Variants in HERC3 observed in about 807,000 individuals in gnomAD.
HERC3 encodes the protein probable E3 ubiquitin-protein ligase HERC3.
A neutral mutation model predicts 129.9 loss-of-function variants in HERC3; 58 were observed. The ratio of observed to expected loss-of-function variants is 0.45; its 90% CI spans 0.36 to 0.56. The LOEUF (loss-of-function observed/expected upper bound fraction) is 0.56. Ranked by LOEUF, HERC3 falls within the 20% of genes least tolerant of loss-of-function variation. The pLI, the probability that HERC3 is intolerant of heterozygous loss-of-function variation, is 0.00. For synonymous variants in HERC3, 430 were observed against 451.0 expected, an observed-to-expected ratio of 0.95 and a Z score of 0.59; for missense variants, 835 against 1,244.2, an observed-to-expected ratio of 0.67 and a Z score of 4.95.
Position 88,706,741 on chromosome 4 carries a change from G to C in HERC3, c.2945-11G>C. 1 of 1,612,904 alleles carries C rather than the reference G, an allele frequency of 6.2e-7. No individual in the cohort carries two copies. Among genetic ancestry groups the C allele is most frequent in the Non-Finnish European group, 8.5e-7 (1 of 1,179,096 alleles). ...TGCTTAGCTGCTAATGCCATTTCTC[G>C]TTCTCCCCAGTGTTCCTGACAGGCA... On this transcript the variant is annotated splice_polypyrimidine_tract_variant and intron_variant, in intron 25 of 25. Transcript: ENST00000402738.
chr4:88,617,884 G>GA (rs35899455), intron 3 of HERC3, among the ~76,000 whole-genome samples: 26,965 of 148,210 alleles, frequency 0.18, 2,484 homozygotes, highest in Admixed American at 0.23. Flanking sequence ...GAAAAAAAAA[G>GA]AAAAAAAAAA....
In HERC3 at chr4:88,668,009, T is replaced by G; in HGVS notation, c.1561T>G (p.Tyr521Asp). The G allele has an allele frequency of 6.2e-7, 1 of 1,613,626 alleles. No homozygotes were observed. The highest frequency in any genetic ancestry group is 8.5e-7 in the Non-Finnish European group (1 of 1,179,558). ...GTTTCCCCTACTCCAGGATTCCAAG[T>G]ATTATATAACATTGACTATTCCCTT... ...PEFPLLQDSK[Y>D]YITLTIPLAM... The change falls in exon 14 of 26, where the codon TAT becomes GAT. Residue 521 changes from tyrosine to aspartate, a missense_variant. Transcript: ENST00000402738.
chr4:88,535,990 T>G, the HERC3 span, among the ~76,000 whole-genome samples: 1 of 152,360 alleles, frequency 6.6e-6, no homozygotes, highest in Admixed American at 6.5e-5. Context: ...AATCATCTCA[T>G]GGGGCTAGGA....
the HERC3 span, among the ~76,000 whole-genome samples, chr4:88,576,369 A>G: frequency 6.6e-6 from 1 of 152,110 alleles, no homozygotes; most frequent in Non-Finnish European, 1.5e-5. Context: ...GGTCTGCATG[A>G]TATGTCTCTG....
At chr4:88,596,101 G>A (rs1425368599) in intron 2 of HERC3, among the ~76,000 whole-genome samples, 3 of 151,924 alleles carry the variant, frequency 2.0e-5, no homozygotes, top group Non-Finnish European at 4.4e-5. Context: ...CGCCTGCCTC[G>A]GCCTTCCAAA....
the HERC3 span, among the ~76,000 whole-genome samples, chr4:88,578,836 T>C: frequency 1.3e-5 from 2 of 151,922 alleles, no homozygotes; most frequent in Non-Finnish European, 2.9e-5. Context: ...GATCATATAG[T>C]GGGAAAGAGG....
chr4:88,586,357 C>CT, the HERC3 span, among the ~76,000 whole-genome samples: 5 of 129,242 alleles, frequency 3.9e-5, no homozygotes, highest in Non-Finnish European at 7.0e-5. Flanking sequence ...TTTTTTTTTT[C>CT]TTTCTTTTTT....
chr4:88,625,994 CT>C (rs1320369769), intron 3 of HERC3, among the ~76,000 whole-genome samples: 2 of 152,022 alleles, frequency 1.3e-5, no homozygotes, highest in Admixed American at 1.3e-4. Flanking sequence ...TGGAATAAAT[CT>C]CACTTGGTAA....
chr4:88,590,204 G>A (rs1476214813), upstream of HERC3, among the ~76,000 whole-genome samples: 1 of 151,826 alleles, frequency 6.6e-6, no homozygotes, highest in Non-Finnish European at 1.5e-5. Context: ...GGAGGTGGAT[G>A]TTGCAGTGAG....
At chr4:88,536,570 T>A in the HERC3 span, among the ~76,000 whole-genome samples, 1 of 152,228 alleles carries the variant, frequency 6.6e-6, no homozygotes, top group East Asian at 1.9e-4. Context: ...ACATACCATG[T>A]GTATTTTATT....
the HERC3 span, among the ~76,000 whole-genome samples, chr4:88,555,363 A>C: frequency 6.6e-6 from 1 of 152,198 alleles, no homozygotes; most frequent in Non-Finnish European, 1.5e-5. Flanking sequence ...TGGAATCAAA[A>C]ATTTAATTAA....
chr4:88,541,718 T>C, the HERC3 span, among the ~76,000 whole-genome samples: 5 of 152,062 alleles, frequency 3.3e-5, no homozygotes, highest in Non-Finnish European at 7.4e-5. Flanking sequence ...TCAGCAAAAG[T>C]AAAAGAACAG....
the HERC3 span, among the ~76,000 whole-genome samples, chr4:88,545,480 C>T: frequency 6.9e-6 from 1 of 145,070 alleles, no homozygotes; most frequent in Non-Finnish European, 1.5e-5. Context: ...TCACCCACGC[C>T]AAAGTGCAGT....
In HERC3 at chr4:88,605,995, T is replaced by A. The variant is rs1344466535; in HGVS notation, c.172T>A (p.Cys58Ser). 7 of 1,614,108 alleles carry A rather than the reference T, an allele frequency of 4.3e-6. No individual in the cohort carries two copies. Among genetic ancestry groups the A allele is most frequent in the East Asian group, 2.2e-5 (1 of 44,886 alleles). ...FLLEDGEVYT[C>S]GLNTKGQLGH... ...GCTGGAAGATGGGGAAGTTTACACA[T>A]GTGGTTTGAACACCAAGGGGCAACT... The change falls in exon 3 of 26, where the codon TGT becomes AGT. Residue 58 changes from cysteine (C) to serine (S), a missense_variant. Coordinates refer to ENST00000402738, the MANE Select transcript of HERC3 (RefSeq NM_014606.3).
intron 3 of HERC3, among the ~76,000 whole-genome samples, chr4:88,615,208 A>G (rs1056130800): frequency 4.0e-5 from 6 of 151,642 alleles, no homozygotes; most frequent in African/African-American, 9.7e-5. Context: ...TAGTTTGGCA[A>G]TTTTGATGAT....
intron 2 of HERC3, among the ~76,000 whole-genome samples, chr4:88,596,824 C>T (rs901199029): frequency 2.0e-5 from 3 of 152,168 alleles, no homozygotes; most frequent in African/African-American, 7.2e-5. Context: ...TCATTACCCG[C>T]TATTTTGTGT....
At chr4:88,543,895 C>T in the HERC3 span, among the ~76,000 whole-genome samples, 3 of 152,144 alleles carry the variant, frequency 2.0e-5, no homozygotes, top group African/African-American at 7.2e-5. Flanking sequence ...GGATCCCTTC[C>T]TTACACCTTA....
the HERC3 span, among the ~76,000 whole-genome samples, chr4:88,549,280 C>T: frequency 6.6e-6 from 1 of 151,314 alleles, no homozygotes; most frequent in Non-Finnish European, 1.5e-5. Context: ...TTATAAATCT[C>T]ATATATTCCT....
At chr4:88,692,927 C>T (rs923197430) in intron 23 of HERC3, 11 of 985,256 alleles carry the variant, frequency 1.1e-5, no homozygotes, top group Admixed American at 1.2e-4. Flanking sequence ...GAAGACTTTG[C>T]TGTTTTTCGT....
Sources: allele counts gnomAD v4.1 joint callset (sites outside exome capture counted in the v4.1 genomes callset), GRCh38; gene constraint gnomAD v4.1.1; transcripts MANE v1.5; gene names NCBI Gene and HGNC (gene_info 2026-07-23, HGNC 2026-07-21).